The following PRKCE variants were observed in gnomAD, a reference collection of about 807,000 sequenced individuals.
PRKCE encodes the protein protein kinase C epsilon type.
A neutral mutation model predicts 85.4 loss-of-function variants in PRKCE; 16 were observed. That is an observed-to-expected ratio of 0.19 (90% CI 0.13 to 0.28). The LOEUF is 0.28. Among genes scored for constraint, PRKCE ranks in the 10% least tolerant of loss-of-function variants. The probability of loss-of-function intolerance (pLI) is 1.00; values close to 1 mark genes in which losing one functional copy is unlikely to be tolerated. For synonymous variants in PRKCE, 388 were observed against 371.5 expected (o/e 1.04, Z -0.51); for missense variants, 573 against 975.2 (o/e 0.59, Z 5.49).
chr2:45,937,389 C>A (rs1699540027), intron 2 of PRKCE, among the ~76,000 whole-genome samples: 1 of 152,136 alleles, frequency 6.6e-6, no homozygotes, highest in South Asian at 2.1e-4. Context: ...CTGGTAGGCC[C>A]CACATTTTTG....
intron 2 of PRKCE, among the ~76,000 whole-genome samples, chr2:45,963,645 C>T (rs1274444253): frequency 6.6e-6 from 1 of 152,158 alleles, no homozygotes; most frequent in African/African-American, 2.4e-5. Context: ...TTCTCCATTT[C>T]CTTTGCCTTA....
In PRKCE at chr2:46,111,485, A is replaced by G. The variant is rs189001745; in HGVS notation, c.1592+25123A>G. On this transcript the variant is annotated intron_variant, in intron 11 of 14. Transcript: ENST00000306156. Reference sequence around the variant, plus strand: ...AGGAACTCCGTTCCTTTTAACAATCATCCCCTAGTCCTTCCATCCCCTTAC... The same window carrying G: ...AGGAACTCCGTTCCTTTTAACAATCGTCCCCTAGTCCTTCCATCCCCTTAC... Among the ~76,000 whole-genome samples the G allele has an allele frequency of 5.0e-4, 76 of 152,274 alleles. 1 individual carries two copies. The highest frequency in any genetic ancestry group is 1.8e-3 in the African/African-American group (76 of 41,556).
intron 1 of PRKCE, among the ~76,000 whole-genome samples, chr2:45,810,575 T>C (rs140735634): frequency 1.2e-3 from 187 of 151,974 alleles, no homozygotes; most frequent in African/African-American, 4.2e-3. Flanking sequence ...TTCATCTCCA[T>C]TGGACATCAT....
chr2:46,150,183 C>A (rs1304181649), intron 12 of PRKCE, among the ~76,000 whole-genome samples: 2 of 152,162 alleles, frequency 1.3e-5, no homozygotes, highest in African/African-American at 2.4e-5. Context: ...AGCATCATGT[C>A]ATACATGCAT....
chr2:46,015,935 G>C (rs1319752727), intron 10 of PRKCE, among the ~76,000 whole-genome samples: 1 of 152,140 alleles, frequency 6.6e-6, no homozygotes. Context: ...ACAATGAGTT[G>C]GTTTGTGGGT....
At chr2:46,040,522 G>C (rs1467940689) in intron 10 of PRKCE, among the ~76,000 whole-genome samples, 2 of 152,108 alleles carry the variant, frequency 1.3e-5, no homozygotes, top group Non-Finnish European at 2.9e-5. Flanking sequence ...GGTGGGGCCT[G>C]GGGGAGCACT....
chr2:45,696,636 A>C (rs7601779), intron 1 of PRKCE, among the ~76,000 whole-genome samples: 24,451 of 152,176 alleles, frequency 0.16, 2,178 homozygotes, highest in African/African-American at 0.24. Context: ...AGCAAAATGC[A>C]TGACGAGTAG....
chr2:46,042,057 A>G (rs1403582404), intron 10 of PRKCE, among the ~76,000 whole-genome samples: 1 of 152,240 alleles, frequency 6.6e-6, no homozygotes, highest in Non-Finnish European at 1.5e-5. Context: ...CTGAACTCCA[A>G]ATACTGACTA....
intron 1 of PRKCE, chr2:45,676,990 A>G (rs190820925): frequency 6.6e-6 from 1 of 152,338 alleles, no homozygotes; most frequent in African/African-American, 2.4e-5. Context: ...GTATGCCACC[A>G]GAGTACCCAA....
At chr2:45,712,980 G>A (rs750916522) in intron 1 of PRKCE, among the ~76,000 whole-genome samples, 5 of 152,146 alleles carry the variant, frequency 3.3e-5, no homozygotes, top group African/African-American at 4.8e-5. Context: ...TGATAATTAC[G>A]ACACTGTCGC....
At chr2:45,764,191 G>A (rs1031461338) in intron 1 of PRKCE, among the ~76,000 whole-genome samples, 2 of 152,146 alleles carry the variant, frequency 1.3e-5, no homozygotes, top group Admixed American at 6.5e-5. Context: ...TTCTTAAAAC[G>A]CTAATTTCCT....
Position 45,651,840 on chromosome 2 carries a change from G to A in PRKCE, c.-261G>A, listed in dbSNP as rs981424433. 6 of 366,840 alleles carry A rather than the reference G, an allele frequency of 1.6e-5. No homozygotes were observed. Among genetic ancestry groups the A allele is most frequent in the African/African-American group, 4.1e-5 (2 of 48,372 alleles). The allele number at this position is 366,840 out of a possible 1,614,324, so 22.7% of individuals were successfully genotyped here. A position where few individuals can be genotyped will look rare whatever the true frequency, so the allele number is the denominator to read the frequency against. ...CTTCTGGAGGTGCAGCTGGTGGTCGGGGGGAGAGACTTGCTCCAAACACGG... is the reference window on the plus strand; with the variant it reads ...CTTCTGGAGGTGCAGCTGGTGGTCGAGGGGAGAGACTTGCTCCAAACACGG... On this transcript the variant is annotated 5_prime_UTR_variant, in exon 1 of 15. Transcript: ENST00000306156.
chr2:45,714,252 A>C (rs1299666245), intron 1 of PRKCE, among the ~76,000 whole-genome samples: 1 of 152,210 alleles, frequency 6.6e-6, no homozygotes. Flanking sequence ...GGTACTCTGA[A>C]GAGAGACACA....
At chr2:45,792,545 C>T (rs778474019) in intron 1 of PRKCE, among the ~76,000 whole-genome samples, 23 of 152,212 alleles carry the variant, frequency 1.5e-4, no homozygotes, top group Non-Finnish European at 1.3e-4. Context: ...GGCTCTAACA[C>T]GCAGGAGAGA....
At chr2:45,928,721 C>A (rs1381591525) in intron 2 of PRKCE, among the ~76,000 whole-genome samples, 2 of 152,168 alleles carry the variant, frequency 1.3e-5, no homozygotes, top group Admixed American at 1.3e-4. Flanking sequence ...CTGGGACAAG[C>A]CTTCCTCAGT....
chr2:45,999,928 T>A (rs1188881935), intron 6 of PRKCE, among the ~76,000 whole-genome samples: 1 of 152,236 alleles, frequency 6.6e-6, no homozygotes, highest in Non-Finnish European at 1.5e-5. Context: ...TTAGTGTTTT[T>A]GATCTCTAGC....
intron 1 of PRKCE, among the ~76,000 whole-genome samples, chr2:45,754,257 C>A (rs1345933938): frequency 6.6e-6 from 1 of 152,158 alleles, no homozygotes; most frequent in Non-Finnish European, 1.5e-5. Flanking sequence ...TCACTTTATT[C>A]TATTTTCTTT....
intron 11 of PRKCE, among the ~76,000 whole-genome samples, chr2:46,090,073 C>A (rs1303886209): frequency 6.6e-6 from 1 of 152,086 alleles, no homozygotes; most frequent in African/African-American, 2.4e-5. Context: ...ACAGAATGGT[C>A]ATGAGTAGGT....
At chr2:46,121,617 C>T (rs1239374552) in intron 11 of PRKCE, among the ~76,000 whole-genome samples, 1 of 152,142 alleles carries the variant, frequency 6.6e-6, no homozygotes, top group Non-Finnish European at 1.5e-5. Flanking sequence ...AGATATTGAC[C>T]AATTGGTGGA....
Sources: allele counts gnomAD v4.1 joint callset (sites outside exome capture counted in the v4.1 genomes callset), GRCh38; gene constraint gnomAD v4.1.1; transcripts MANE v1.5; gene names NCBI Gene and HGNC (gene_info 2026-07-23, HGNC 2026-07-21).